ADAM18: variants seen among roughly 807,000 people sequenced by gnomAD.
The protein encoded by ADAM18 is ADAM metallopeptidase domain 18.
Under a neutral mutation model 94.4 loss-of-function variants are expected in ADAM18, and 117 were observed. The ratio of observed to expected loss-of-function variants is 1.24; its 90% CI spans 1.07 to 1.45. ADAM18 has a LOEUF of 1.45. ADAM18 is among the 40% of genes most tolerant of loss of function. ADAM18 has a pLI of 0.00. For missense variants in ADAM18, 936 were observed against 880.0 expected, an observed-to-expected ratio of 1.06 and a Z score of -0.81; for synonymous variants, 327 against 291.6, an observed-to-expected ratio of 1.12 and a Z score of -1.24.
At position 39,638,388 on chromosome 8, in the gene ADAM18, G is replaced by GCA. The variant is rs1563286158; in HGVS notation, c.828-77_828-76insCA. ...CAAAGTCATTTTTAAAATTTTATGT[G>GCA]AAGAAGGTTTAATTTAATACATAAG... On this transcript the variant is annotated intron_variant, in intron 9 of 19. Transcript: ENST00000265707. The GCA allele has an allele frequency of 1.8e-5, 17 of 963,042 alleles. No homozygotes were observed. In the East Asian group the frequency reaches 4.6e-4, roughly 26 times the overall value. The allele number at this position is 963,042 out of a possible 1,614,324, so 59.7% of individuals were successfully genotyped here.
intron 2 of ADAM18, among the ~76,000 whole-genome samples, chr8:39,604,242 A>G (rs1818995807): frequency 6.6e-6 from 1 of 152,228 alleles, no homozygotes; most frequent in Admixed American, 6.5e-5. Context: ...ACAAAAAAAC[A>G]TACGAAGTGC....
At chr8:39,654,061 A>T (rs1820615951) in intron 12 of ADAM18, among the ~76,000 whole-genome samples, 1 of 149,840 alleles carries the variant, frequency 6.7e-6, no homozygotes, top group African/African-American at 2.5e-5. Context: ...GATTGAGAAC[A>T]TGTGATATTT....
intron 12 of ADAM18, among the ~76,000 whole-genome samples, chr8:39,655,942 A>G (rs549051220): frequency 3.3e-5 from 5 of 152,248 alleles, no homozygotes; most frequent in African/African-American, 4.8e-5. Flanking sequence ...TACTAAATAT[A>G]AAACTGCAAA....
At chr8:39,679,672 T>C (rs999784243) in intron 15 of ADAM18, among the ~76,000 whole-genome samples, 1 of 152,186 alleles carries the variant, frequency 6.6e-6, no homozygotes, top group Non-Finnish European at 1.5e-5. Context: ...TTAGCCACTC[T>C]CAGCAAATTT....
At chr8:39,601,252 C>T (rs1818893204) in intron 2 of ADAM18, among the ~76,000 whole-genome samples, 1 of 152,182 alleles carries the variant, frequency 6.6e-6, no homozygotes, top group African/African-American at 2.4e-5. Flanking sequence ...GGACACAGAC[C>T]CAAAACATAT....
intron 18 of ADAM18, among the ~76,000 whole-genome samples, chr8:39,722,163 G>T (rs1822769487): frequency 7.3e-6 from 1 of 136,744 alleles, no homozygotes; most frequent in Non-Finnish European, 1.6e-5. Context: ...ATTCTATAAG[G>T]TTGTCTGCCT....
chr8:39,655,383 A>T (rs540233656), intron 12 of ADAM18, among the ~76,000 whole-genome samples: 1 of 152,206 alleles, frequency 6.6e-6, no homozygotes, highest in Non-Finnish European at 1.5e-5. Context: ...GATACAACAT[A>T]TACATAAACA....
chr8:39,636,551 C>T (rs949028393), intron 7 of ADAM18, among the ~76,000 whole-genome samples: 1 of 152,024 alleles, frequency 6.6e-6, no homozygotes, highest in Non-Finnish European at 1.5e-5. Context: ...TTCTCTCTAA[C>T]CTTTTATTCT....
At chr8:39,627,086 TTA>T (rs1253214872) in intron 6 of ADAM18, among the ~76,000 whole-genome samples, 3 of 152,060 alleles carry the variant, frequency 2.0e-5, no homozygotes, top group Non-Finnish European at 2.9e-5. Flanking sequence ...CAAAGTTAGA[TTA>T]TATATATATG....
chr8:39,656,927 C>G (rs892234798), intron 12 of ADAM18, among the ~76,000 whole-genome samples: 43 of 152,186 alleles, frequency 2.8e-4, no homozygotes, highest in African/African-American at 9.9e-4. Flanking sequence ...CTATTAGGCA[C>G]TACTGTTGGT....
intron 16 of ADAM18, among the ~76,000 whole-genome samples, chr8:39,684,646 T>A (rs1218509216): frequency 6.6e-6 from 1 of 152,216 alleles, no homozygotes; most frequent in African/African-American, 2.4e-5. Flanking sequence ...TGGTGGGGGC[T>A]GTCTGTGCTG....
At chr8:39,685,460 GA>G (rs1423811872) in intron 16 of ADAM18, 7 of 152,320 alleles carry the variant, frequency 4.6e-5, no homozygotes, top group African/African-American at 1.7e-4. Context: ...TTTTGACATA[GA>G]TCTGCTCCTC....
At chr8:39,608,167 T>C (rs1332898397) in intron 3 of ADAM18, among the ~76,000 whole-genome samples, 3 of 151,704 alleles carry the variant, frequency 2.0e-5, no homozygotes, top group South Asian at 4.2e-4. Flanking sequence ...TATAAACCTC[T>C]GTATTCAAAA....
chr8:39,713,273 T>G (rs1221830961), intron 18 of ADAM18, among the ~76,000 whole-genome samples: 1 of 152,150 alleles, frequency 6.6e-6, no homozygotes, highest in Non-Finnish European at 1.5e-5. Flanking sequence ...TCCTTACACC[T>G]TACACAAAAA....
At chr8:39,653,251 A>G (rs1361922198) in intron 12 of ADAM18, among the ~76,000 whole-genome samples, 1 of 152,222 alleles carries the variant, frequency 6.6e-6, no homozygotes, top group African/African-American at 2.4e-5. Flanking sequence ...TCAAAACATC[A>G]TGCTGTACAT....
intron 7 of ADAM18, among the ~76,000 whole-genome samples, chr8:39,636,480 C>T (rs553561840): frequency 3.3e-5 from 5 of 152,188 alleles, no homozygotes; most frequent in South Asian, 4.1e-4. Flanking sequence ...TACTTTCATA[C>T]TTTATTATCA....
At chr8:39,652,853 A>C (rs1820574831) in intron 12 of ADAM18, among the ~76,000 whole-genome samples, 1 of 152,336 alleles carries the variant, frequency 6.6e-6, no homozygotes, top group Non-Finnish European at 1.5e-5. Flanking sequence ...AGACTTTTTT[A>C]AAAGAAAAAA....
chr8:39,616,334 C>T (rs1259573749), intron 6 of ADAM18, among the ~76,000 whole-genome samples: 1 of 152,072 alleles, frequency 6.6e-6, no homozygotes, highest in Non-Finnish European at 1.5e-5. Flanking sequence ...CACTTGAACC[C>T]AGGAAGCTGA....
At chr8:39,675,766 C>T (rs1821284243) in intron 14 of ADAM18, among the ~76,000 whole-genome samples, 1 of 152,226 alleles carries the variant, frequency 6.6e-6, no homozygotes, top group Non-Finnish European at 1.5e-5. Context: ...GTGGTTTTGT[C>T]TACCTTTGGT....
Sources: gnomAD v4.1 joint callset for allele counts (sites outside exome capture counted in the v4.1 genomes callset) on GRCh38, gnomAD v4.1.1 for gene constraint, MANE v1.5 for transcripts, NCBI Gene and HGNC (gene_info 2026-07-23, HGNC 2026-07-21) for gene names.